WWOX: variants seen among roughly 807,000 people sequenced by gnomAD.
WWOX encodes the protein WW domain containing oxidoreductase.
WWOX carries 69 observed loss-of-function variants against 46.2 expected under a neutral mutation model. The observed-to-expected ratio is 1.49, with a 90% confidence interval of 1.23 to 1.82. The LOEUF (loss-of-function observed/expected upper bound fraction) is 1.82, where lower values mean the gene tolerates loss of function less well. Ranked by LOEUF, WWOX falls within the 40% of genes most tolerant of loss-of-function variation. The probability of loss-of-function intolerance (pLI) is 0.00; values close to 1 mark genes in which losing one functional copy is unlikely to be tolerated. For missense variants in WWOX, 919 were observed against 542.6 expected (o/e 1.69, Z -6.89); for synonymous variants, 359 against 202.6 (o/e 1.77, Z -6.56).
chr16:78,647,213 A>T (rs2046864452), intron 8 of WWOX, among the ~76,000 whole-genome samples: 2 of 152,072 alleles, frequency 1.3e-5, no homozygotes, highest in African/African-American at 4.8e-5. Flanking sequence ...TGCTACTGTG[A>T]GATCTCAGAA....
At chr16:78,254,995 C>T (rs923236561) in intron 5 of WWOX, among the ~76,000 whole-genome samples, 1 of 152,222 alleles carries the variant, frequency 6.6e-6, no homozygotes. Flanking sequence ...CTTAAGAGGC[C>T]TCACTTTGCA....
At chr16:79,034,037 A>G (rs372394931) in intron 8 of WWOX, among the ~76,000 whole-genome samples, 1 of 152,150 alleles carries the variant, frequency 6.6e-6, no homozygotes, top group African/African-American at 2.4e-5. Flanking sequence ...AGCACAGGCT[A>G]TGGCTCACGG....
chr16:78,679,116 A>G (rs1353475604), intron 8 of WWOX, among the ~76,000 whole-genome samples: 1 of 152,196 alleles, frequency 6.6e-6, no homozygotes, highest in Non-Finnish European at 1.5e-5. Flanking sequence ...TGGAGACACC[A>G]GCGTCTTGGA....
intron 8 of WWOX, among the ~76,000 whole-genome samples, chr16:78,560,835 C>CT (rs1421879368): frequency 6.6e-6 from 1 of 152,024 alleles, no homozygotes; most frequent in East Asian, 1.9e-4. Context: ...TATTTGAAAG[C>CT]TGGGATTGTT....
chr16:78,803,342 C>A (rs552957099), intron 8 of WWOX, among the ~76,000 whole-genome samples: 1 of 151,908 alleles, frequency 6.6e-6, no homozygotes, highest in Non-Finnish European at 1.5e-5. Context: ...AGTCAAATTG[C>A]TCTTCATTCT....
chr16:78,454,328 A>C (rs2083760544), intron 8 of WWOX, among the ~76,000 whole-genome samples: 1 of 149,836 alleles, frequency 6.7e-6, no homozygotes, highest in Non-Finnish European at 1.5e-5. Flanking sequence ...TTTCTGTTAA[A>C]ACCCAATACA....
chr16:78,549,916 G>C lies in WWOX; in HGVS notation c.1056+117164G>C, dbSNP rs573455378. Among the ~76,000 whole-genome samples the C allele has an allele frequency of 5.8e-4, 88 of 151,886 alleles. 1 individual carries two copies. Among genetic ancestry groups the C allele is most frequent in the Non-Finnish European group, 9.3e-4 (63 of 67,996 alleles). ...AGATAAAATAAACAAGGACAGAGTT[G>C]ACTGAGAAAAAAGAAAGAAAAAAAA... On this transcript the variant is annotated intron_variant, in intron 8 of 8. Transcript: ENST00000566780.
At chr16:78,216,322 G>A (rs1310491450) in intron 5 of WWOX, among the ~76,000 whole-genome samples, 5 of 152,222 alleles carry the variant, frequency 3.3e-5, no homozygotes, top group African/African-American at 1.2e-4. Context: ...TAGAAAACCA[G>A]TGGACTGATG....
rs1037290766 is a variant in WWOX, at chr16:78,432,543, A to G, written c.847A>G (p.Thr283Ala). Residue 283 changes from threonine (T) to alanine (A), a missense_variant, in exon 8 of 9, where the codon ACA becomes GCA. By Grantham distance (58) the Thr-to-Ala change is moderately conservative (BLOSUM62 0). Transcript: ENST00000566780. ...ACTGGACTTCAGTCGCCTCTCTCCA[A>G]CAAAAAACGACTATTGGGCGATGCT... ...GKLDFSRLSP[T>A]KNDYWAMLAY... 2.5e-6 allele frequency: 4 copies of G among 1,614,162 alleles called. No homozygotes were observed. The highest frequency in any genetic ancestry group is 1.3e-5 in the African/African-American group (1 of 75,052).
At chr16:78,534,215 G>C (rs749195217) in intron 8 of WWOX, among the ~76,000 whole-genome samples, 1 of 152,172 alleles carries the variant, frequency 6.6e-6, no homozygotes, top group African/African-American at 2.4e-5. Flanking sequence ...TCTGAGTCTT[G>C]TCAAATACCA....
chr16:78,490,569 G>T (rs916224502), intron 8 of WWOX, among the ~76,000 whole-genome samples: 1 of 152,184 alleles, frequency 6.6e-6, no homozygotes, highest in Non-Finnish European at 1.5e-5. Flanking sequence ...TGGGACGGAG[G>T]AGAAAGAAGA....
intron 5 of WWOX, among the ~76,000 whole-genome samples, chr16:78,375,942 C>A (rs62035784): frequency 6.6e-6 from 1 of 150,736 alleles, no homozygotes. Context: ...ACTCCGCATC[C>A]TGGTTTCAAG....
chr16:79,044,274 C>G (rs775252653), intron 8 of WWOX, among the ~76,000 whole-genome samples: 1 of 152,200 alleles, frequency 6.6e-6, no homozygotes, highest in Admixed American at 6.5e-5. Flanking sequence ...GAAGTTCCAG[C>G]TGGCGGTCTG....
At chr16:78,753,819 A>ATATGT (rs1225869395) in intron 8 of WWOX, among the ~76,000 whole-genome samples, 1 of 68,422 alleles carries the variant, frequency 1.5e-5, no homozygotes, top group African/African-American at 4.9e-5. Context: ...AAAAAAAAAA[A>ATATGT]AAAAAAATAT....
At chr16:78,516,086 A>T (rs2043229221) in intron 8 of WWOX, among the ~76,000 whole-genome samples, 1 of 151,976 alleles carries the variant, frequency 6.6e-6, no homozygotes, top group South Asian at 2.1e-4. Flanking sequence ...AATTATTGAA[A>T]CCGTGCAAAT....
intron 8 of WWOX, among the ~76,000 whole-genome samples, chr16:79,070,005 C>T (rs2048518514): frequency 6.6e-6 from 1 of 152,214 alleles, no homozygotes. Flanking sequence ...TATTTTGAAA[C>T]ATCTTCTGTG....
rs181297300 is a variant in WWOX, at chr16:78,732,347, G to C, written c.1056+299595G>C. On this transcript the variant is annotated intron_variant, in intron 8 of 8. Transcript: ENST00000566780. ...ATGCCATGAGGAAACTCAATCTAGC[G>C]TAGGTAGGAAGACCGTGAGAGGCCC... 3.4e-3 allele frequency among the ~76,000 whole-genome samples: 521 copies of C among 152,198 alleles called. 8 individuals carry two copies. The highest frequency in any genetic ancestry group is 2.0e-3 in the Non-Finnish European group (137 of 68,012).
At chr16:78,249,631 A>G (rs941658207) in intron 5 of WWOX, among the ~76,000 whole-genome samples, 4 of 152,182 alleles carry the variant, frequency 2.6e-5, no homozygotes, top group Admixed American at 6.5e-5. Flanking sequence ...GGGCTACCCA[A>G]CAGTGCAAGT....
At chr16:78,351,667 T>C (rs940102527) in intron 5 of WWOX, among the ~76,000 whole-genome samples, 6 of 152,164 alleles carry the variant, frequency 3.9e-5, no homozygotes, top group African/African-American at 1.2e-4. Flanking sequence ...TGTTTTTTGT[T>C]AGTTTTTGAG....
Sources: allele counts gnomAD v4.1 joint callset (sites outside exome capture counted in the v4.1 genomes callset), GRCh38; gene constraint gnomAD v4.1.1; transcripts MANE v1.5; gene names NCBI Gene and HGNC (gene_info 2026-07-23, HGNC 2026-07-21).